Variants in CFAP20DC observed in about 807,000 individuals in gnomAD.
CFAP20DC encodes protein CFAP20DC.
A neutral mutation model predicts 101.7 loss-of-function variants in CFAP20DC; 84 were observed. That is an observed-to-expected ratio of 0.83 (90% CI 0.69 to 0.99). The LOEUF is 0.99. Among genes scored for constraint, CFAP20DC ranks in the 50% least tolerant of loss-of-function variants. The pLI is 0.00. For synonymous variants in CFAP20DC, 359 were observed against 351.2 expected (o/e 1.02, Z -0.25); for missense variants, 1,007 against 970.3 (o/e 1.04, Z -0.50).
rs1338839863 is a variant in CFAP20DC at position 58,913,352 on chromosome 3, T to C, written c.550+356A>G. On this transcript the variant is annotated intron_variant, in intron 6 of 16. Transcript: ENST00000482387. This position sits in a 1 kb window ranked among gnomAD's most constrained non-coding sequence, Gnocchi z 4.4. Reference sequence around the variant, plus strand: ...ATAGGCTCTCAGCTGACTCTCTAAATATCCTTGAGATTCTATGAACTGTCT... The same window carrying C: ...ATAGGCTCTCAGCTGACTCTCTAAACATCCTTGAGATTCTATGAACTGTCT... Among the ~76,000 whole-genome samples the C allele has an allele frequency of 6.6e-6, 1 of 152,112 alleles. No individual in the cohort carries two copies. The highest frequency in any genetic ancestry group is 1.5e-5 in the Non-Finnish European group (1 of 68,006).
chr3:59,008,955 A>G (rs769134997), intron 4 of CFAP20DC, among the ~76,000 whole-genome samples: 6 of 152,132 alleles, frequency 3.9e-5, no homozygotes, highest in Admixed American at 6.6e-5. Flanking sequence ...CCCTGCCATT[A>G]TAACTCCACA....
At chr3:58,949,096 T>C (rs765252254) in intron 4 of CFAP20DC, among the ~76,000 whole-genome samples, 8 of 152,180 alleles carry the variant, frequency 5.3e-5, no homozygotes, top group Non-Finnish European at 7.3e-5. Flanking sequence ...TATAGTATTC[T>C]CTGATGGTAG....
chr3:59,022,077 A>G (rs2093813112), intron 4 of CFAP20DC, among the ~76,000 whole-genome samples: 1 of 152,130 alleles, frequency 6.6e-6, no homozygotes, highest in African/African-American at 2.4e-5. Flanking sequence ...AGAGAAGTAG[A>G]AACCTGAGGT....
chr3:58,884,785 C>T, intron 6 of CFAP20DC, 76 bp from the exon 7 acceptor site: 8 of 1,221,438 alleles, frequency 6.5e-6, no homozygotes, highest in Non-Finnish European at 9.3e-6. Context: ...TAAATGAAAT[C>T]AATTAAAATT....
chr3:58,775,161 T>C (rs966091705), intron 15 of CFAP20DC, among the ~76,000 whole-genome samples: 10 of 152,200 alleles, frequency 6.6e-5, no homozygotes, highest in Middle Eastern at 3.4e-3. Flanking sequence ...TCAATCAATA[T>C]GAGTAAGACA....
chr3:58,891,100 C>T (rs1412572551), intron 6 of CFAP20DC, among the ~76,000 whole-genome samples: 1 of 150,386 alleles, frequency 6.6e-6, no homozygotes, highest in Non-Finnish European at 1.5e-5. Flanking sequence ...TTGTAGTGAG[C>T]CGAGATCACG....
At chr3:58,800,998 AGGCGTGTGTTGAATAACACTG>A (rs1426293670) in intron 15 of CFAP20DC, among the ~76,000 whole-genome samples, 3 of 102,822 alleles carry the variant, frequency 2.9e-5, no homozygotes, top group African/African-American at 1.2e-4. Context: ...TGCCCTTGAC[AGGCGTGTGTTGAATAACACTG>A]GGGTGGGGTG....
At chr3:58,930,687 T>C (rs2086519798) in intron 5 of CFAP20DC, among the ~76,000 whole-genome samples, 1 of 152,144 alleles carries the variant, frequency 6.6e-6, no homozygotes, top group African/African-American at 2.4e-5. Flanking sequence ...TTGTTTTCAG[T>C]ATGTTTATTT....
intron 14 of CFAP20DC, among the ~76,000 whole-genome samples, chr3:58,812,836 C>T (rs556657605): frequency 6.6e-6 from 1 of 151,768 alleles, no homozygotes; most frequent in East Asian, 1.9e-4. Flanking sequence ...GTCATTGGAC[C>T]TCATAGCATC....
chr3:58,873,438 T>C (rs555405425), intron 7 of CFAP20DC, among the ~76,000 whole-genome samples: 1 of 148,676 alleles, frequency 6.7e-6, no homozygotes, highest in African/African-American at 2.5e-5. Flanking sequence ...GGATAGCCAT[T>C]CTGGATGCTG....
chr3:58,746,486 T>C (rs1418872631), intron 16 of CFAP20DC, among the ~76,000 whole-genome samples: 1 of 152,206 alleles, frequency 6.6e-6, no homozygotes, highest in African/African-American at 2.4e-5. Context: ...CAGTTGGGAA[T>C]CTTTCAAGAT....
chr3:58,824,494 C>G (rs1276582475), intron 14 of CFAP20DC: 2 of 152,046 alleles, frequency 1.3e-5, no homozygotes, highest in Admixed American at 1.3e-4. Flanking sequence ...CATGATCAAG[C>G]TGCTAGAGAT....
At chr3:59,028,764 T>C (rs892395860) in intron 4 of CFAP20DC, among the ~76,000 whole-genome samples, 4 of 152,200 alleles carry the variant, frequency 2.6e-5, no homozygotes, top group African/African-American at 9.7e-5. Flanking sequence ...TTCTGAGGAT[T>C]AATTGAGCTA....
chr3:58,742,169 A>G lies in CFAP20DC; in HGVS notation c.*291T>C. 1.1e-6 allele frequency: 1 copy of G among 936,138 alleles called. No homozygotes were observed. The highest frequency in any genetic ancestry group is 1.3e-6 in the Non-Finnish European group (1 of 778,402). The allele number at this position is 936,138 out of a possible 1,614,324, so 58.0% of individuals were successfully genotyped here. A position where few individuals can be genotyped will look rare whatever the true frequency, so the allele number is the denominator to read the frequency against. On this transcript the variant is annotated 3_prime_UTR_variant, in exon 17 of 17. Transcript: ENST00000482387. ...ATAACTCTTAATTTGTTTACATAAA[A>G]TTATCTGAAATAAACAAAATTATAT... is the stretch of plus-strand genomic sequence containing the variant.
intron 5 of CFAP20DC, among the ~76,000 whole-genome samples, chr3:58,932,945 G>C (rs977222617): frequency 6.6e-5 from 10 of 152,140 alleles, no homozygotes; most frequent in East Asian, 1.9e-4. Context: ...AATGTAAATG[G>C]ACTAAATGCT....
chr3:58,863,423 GAC>G lies in CFAP20DC; in HGVS notation c.1593+133_1593+134del. On this transcript the variant is annotated intron_variant, in intron 12 of 16. Transcript: ENST00000482387. This position sits in a 1 kb window ranked among gnomAD's most constrained non-coding sequence, Gnocchi z 5.9. ...ACCATAACAACCTGATGCAACTGTGGACTGACATGGCAATCTGTTGCATTTTT... is the reference window on the plus strand; with the variant it reads ...ACCATAACAACCTGATGCAACTGTGGTGACATGGCAATCTGTTGCATTTTT... The G allele has an allele frequency of 6.8e-7, 1 of 1,461,828 alleles. No individual in the cohort carries two copies. The highest frequency in any genetic ancestry group is 9.0e-7 in the Non-Finnish European group (1 of 1,111,868). The allele number at this position is 1,461,828 out of a possible 1,614,324, so 90.6% of individuals were successfully genotyped here.
chr3:59,020,182 C>T (rs2093774617), intron 4 of CFAP20DC, among the ~76,000 whole-genome samples: 1 of 151,950 alleles, frequency 6.6e-6, no homozygotes, highest in Non-Finnish European at 1.5e-5. Flanking sequence ...CGTTTTAAAT[C>T]ACTCAGTGTT....
chr3:58,838,929 G>C (rs1350503812), intron 13 of CFAP20DC, among the ~76,000 whole-genome samples: 1 of 152,146 alleles, frequency 6.6e-6, no homozygotes, highest in Non-Finnish European at 1.5e-5. Flanking sequence ...TTGTACATAG[G>C]ACAAGTATAG....
chr3:59,027,590 G>A (rs2093915882), intron 4 of CFAP20DC, among the ~76,000 whole-genome samples: 1 of 152,154 alleles, frequency 6.6e-6, no homozygotes, highest in African/African-American at 2.4e-5. Flanking sequence ...AATCAGGATA[G>A]AAAAAGGAAT....
Sources: allele counts gnomAD v4.1 joint callset (sites outside exome capture counted in the v4.1 genomes callset), GRCh38; gene constraint gnomAD v4.1.1; non-coding constraint Gnocchi (gnomAD v3.1); transcripts MANE v1.5; gene names NCBI Gene and HGNC (gene_info 2026-07-23, HGNC 2026-07-21).